The following PPP1R36 variants were observed in gnomAD, a reference collection of about 807,000 sequenced individuals.
The protein encoded by PPP1R36 is protein phosphatase 1 regulatory subunit 36.
PPP1R36 carries 47 observed loss-of-function variants against 53.4 expected under a neutral mutation model. The observed-to-expected ratio is 0.88, with a 90% CI of 0.70 to 1.12. The LOEUF (loss-of-function observed/expected upper bound fraction) is 1.12. PPP1R36 is among the 50% of genes most tolerant of loss of function. The pLI, the probability that PPP1R36 is intolerant of heterozygous loss-of-function variation, is 0.00. For synonymous variants in PPP1R36, 153 were observed against 170.5 expected (o/e 0.90, Z 0.80); for missense variants, 456 against 513.9 (o/e 0.89, Z 1.09).
At chr14:64,567,356 T>C (rs1384132701) in intron 6 of PPP1R36, among the ~76,000 whole-genome samples, 8 of 152,204 alleles carry the variant, frequency 5.3e-5, no homozygotes. Context: ...CTTCTGTCTA[T>C]AATATTTTTA....
At chr14:64,556,953 C>T (rs1363580890) in intron 3 of PPP1R36, among the ~76,000 whole-genome samples, 1 of 151,126 alleles carries the variant, frequency 6.6e-6, no homozygotes, top group Non-Finnish European at 1.5e-5. Context: ...CGCCCACCCG[C>T]CGCCCCCCAG....
chr14:64,568,202 A>T, intron 6 of PPP1R36, 147 bp from the exon 7 acceptor site: 1 of 374,524 alleles, frequency 2.7e-6, no homozygotes, highest in Non-Finnish European at 4.7e-6. Context: ...ATATAATTTT[A>T]AGTGGTAAAT....
At chr14:64,556,762 ATGTGTGTGTGTG>A (rs369620598) in intron 3 of PPP1R36, among the ~76,000 whole-genome samples, 2 of 133,970 alleles carry the variant, frequency 1.5e-5, no homozygotes, top group East Asian at 2.3e-4. Flanking sequence ...TCTCCAAAAA[ATGTGTGTGTGTG>A]TGTGTGTGTG....
chr14:64,565,334 G>C (rs755463970), intron 4 of PPP1R36, 23 bp from the exon 5 acceptor site: 22 of 1,535,260 alleles, frequency 1.4e-5, no homozygotes, highest in Admixed American at 1.0e-4. Flanking sequence ...AACACTACTA[G>C]AAACTGTTAT....
intron 8 of PPP1R36, among the ~76,000 whole-genome samples, chr14:64,582,520 C>T (rs934173740): frequency 2.6e-5 from 4 of 152,178 alleles, no homozygotes; most frequent in African/African-American, 9.7e-5. Flanking sequence ...CTGTGCTGAC[C>T]AGCATGGTGG....
intron 8 of PPP1R36, among the ~76,000 whole-genome samples, chr14:64,577,323 A>G (rs2080350370): frequency 6.6e-6 from 1 of 152,188 alleles, no homozygotes; most frequent in Admixed American, 6.5e-5. Context: ...GAACACAAAC[A>G]TTCAGCTCAT....
intron 8 of PPP1R36, among the ~76,000 whole-genome samples, chr14:64,576,863 C>A (rs2080345674): frequency 6.6e-6 from 1 of 152,192 alleles, no homozygotes; most frequent in African/African-American, 2.4e-5. Flanking sequence ...TTTGGTTCTG[C>A]TTTCCAGCAT....
intron 11 of PPP1R36, 95 bp from the exon 12 acceptor site, chr14:64,589,057 C>T: frequency 1.2e-6 from 1 of 859,496 alleles, no homozygotes; most frequent in Non-Finnish European, 1.8e-6. Flanking sequence ...TACATACACA[C>T]ACACATACAT....
chr14:64,552,349 C>A (rs113224583), intron 2 of PPP1R36, among the ~76,000 whole-genome samples: 1 of 152,044 alleles, frequency 6.6e-6, no homozygotes, highest in African/African-American at 2.4e-5. Flanking sequence ...ATTAGCCGGG[C>A]GTGATGGCGG....
At chr14:64,568,225 AG>A (rs2140232737) in intron 6 of PPP1R36, 123 bp from the exon 7 acceptor site, 1 of 394,896 alleles carries the variant, frequency 2.5e-6, no homozygotes, top group Non-Finnish European at 4.5e-6. Flanking sequence ...GTTCTTTGAT[AG>A]GCATGATAAC....
At chr14:64,570,481 T>TA (rs534277558) in intron 7 of PPP1R36, among the ~76,000 whole-genome samples, 91 of 146,064 alleles carry the variant, frequency 6.2e-4, no homozygotes, top group Middle Eastern at 3.5e-3. Context: ...GACTCCGCCT[T>TA]AAAAAAAAAA....
intron 8 of PPP1R36, among the ~76,000 whole-genome samples, chr14:64,583,151 G>A (rs1278316473): frequency 6.6e-6 from 1 of 150,646 alleles, no homozygotes; most frequent in African/African-American, 2.4e-5. Flanking sequence ...GAGCTCAAGC[G>A]ATCTGCCTGC....
At chr14:64,553,096 T>A (rs1166225863) in intron 3 of PPP1R36, among the ~76,000 whole-genome samples, 2 of 151,972 alleles carry the variant, frequency 1.3e-5, no homozygotes, top group African/African-American at 4.8e-5. Flanking sequence ...CTCAGCCTAG[T>A]ACTCACACCA....
At chr14:64,568,154 C>T (rs778576201) in intron 6 of PPP1R36, among the ~76,000 whole-genome samples, 195 bp from the exon 7 acceptor site, 1 of 152,060 alleles carries the variant, frequency 6.6e-6, no homozygotes, top group Non-Finnish European at 1.5e-5. Context: ...GTTTTACTTA[C>T]AAAAACCAGA....
At chr14:64,577,545 G>A (rs900228987) in intron 8 of PPP1R36, among the ~76,000 whole-genome samples, 3 of 151,918 alleles carry the variant, frequency 2.0e-5, no homozygotes, top group Admixed American at 6.6e-5. Flanking sequence ...CATGCATTGA[G>A]GTGTGACGGC....
In PPP1R36 at chr14:64,574,542, T is replaced by C. The variant is rs765532473; in HGVS notation, c.621T>C (p.Leu207=). The change falls in exon 8 of 12, where the codon CTT becomes CTC. Residue 207 remains leucine, a synonymous_variant. Transcript: ENST00000298705. ...ACTTGGCGCAGAAGTACTGTATCCT[T>C]GTGCTGGGCTTGGCCGTGCCGGATA... ...QRYLAQKYCI[L]VLGLAVPDKH... 3.7e-6 allele frequency: 6 copies of C among 1,613,986 alleles called. No homozygotes were observed. The African/African-American group carries it at 8.0e-5, about 22-fold the overall frequency.
At chr14:64,568,269 C>T in intron 6 of PPP1R36, 80 bp from the exon 7 acceptor site, 1 of 552,772 alleles carries the variant, frequency 1.8e-6, no homozygotes, top group East Asian at 3.0e-5. Flanking sequence ...GTTGTGTGCT[C>T]ATATATTTTT....
At chr14:64,576,758 T>C (rs1174435081) in intron 8 of PPP1R36, among the ~76,000 whole-genome samples, 2 of 152,346 alleles carry the variant, frequency 1.3e-5, no homozygotes, top group East Asian at 1.9e-4. Context: ...ACACTCTTAA[T>C]GTGTATTCCT....
At chr14:64,571,895 A>ATCTC (rs2080306651) in intron 7 of PPP1R36, among the ~76,000 whole-genome samples, 1 of 152,128 alleles carries the variant, frequency 6.6e-6, no homozygotes, top group Admixed American at 6.6e-5. Context: ...AAACTATCAG[A>ATCTC]TCTCATGAAA....
Sources: gnomAD v4.1 joint callset for allele counts (sites outside exome capture counted in the v4.1 genomes callset) on GRCh38, gnomAD v4.1.1 for gene constraint, MANE v1.5 for transcripts, NCBI Gene and HGNC (gene_info 2026-07-23, HGNC 2026-07-21) for gene names.